Variants in ZFHX3 observed in about 807,000 individuals in gnomAD.
ZFHX3 encodes the protein zinc finger homeobox 3, also known as zinc finger homeobox protein 3.
In ZFHX3, 42 loss-of-function variants were observed where a neutral mutation model predicts 279.1. That is an observed-to-expected ratio of 0.15 (90% confidence interval 0.12 to 0.19). ZFHX3 has a LOEUF of 0.19. ZFHX3 is among the 10% of genes least tolerant of loss of function. ZFHX3 has a pLI of 1.00. For missense variants in ZFHX3, 4,981 were observed against 4,754.0 expected, an observed-to-expected ratio of 1.05 and a Z score of -1.40; for synonymous variants, 2,293 against 1,957.8, an observed-to-expected ratio of 1.17 and a Z score of -4.52.
intron 3 of ZFHX3, among the ~76,000 whole-genome samples, chr16:72,942,770 C>T (rs1960473079): frequency 6.6e-6 from 1 of 152,174 alleles, no homozygotes; most frequent in Admixed American, 6.5e-5. Flanking sequence ...GTGAGATCCA[C>T]AGTCTCCATT....
intron 2 of ZFHX3, among the ~76,000 whole-genome samples, chr16:73,536,164 C>T (rs781090931): frequency 1.9e-4 from 29 of 152,004 alleles, no homozygotes; most frequent in Non-Finnish European, 4.1e-4. Flanking sequence ...TCAGGCACAC[C>T]GATTACTTGA....
intron 4 of ZFHX3, among the ~76,000 whole-genome samples, chr16:73,313,645 A>G (rs1405325103): frequency 2.0e-5 from 3 of 152,216 alleles, no homozygotes; most frequent in South Asian, 4.1e-4. Context: ...GTAACAATAG[A>G]ACTAGGAATC....
At position 73,307,955 on chromosome 16, in the gene ZFHX3, G is replaced by A. The variant is rs146979123; in HGVS notation, c.-1194+10285C>T. 1.8e-3 allele frequency among the ~76,000 whole-genome samples: 270 copies of A among 152,038 alleles called. 2 individuals are homozygous for A. Among genetic ancestry groups the A allele is most frequent in the African/African-American group, 5.9e-3 (244 of 41,458 alleles). On this transcript the variant is annotated intron_variant, in intron 4 of 17. Coordinates refer to the ZFHX3 transcript ENST00000641206. ...GTTCAGGAAGCTCCTTAATTCTGTA[G>A]GACCAGCACTCACCCCCAAATTTGC...
At chr16:73,572,538 G>C (rs1200482191) in intron 2 of ZFHX3, among the ~76,000 whole-genome samples, 1 of 152,194 alleles carries the variant, frequency 6.6e-6, no homozygotes, top group East Asian at 1.9e-4. Context: ...GCTGTCTTGA[G>C]CCTCCCCTCT....
chr16:73,115,418 G>A (rs529960524), intron 7 of ZFHX3, among the ~76,000 whole-genome samples: 14 of 151,194 alleles, frequency 9.3e-5, no homozygotes, highest in South Asian at 2.1e-4. Flanking sequence ...GTGTGGTGGC[G>A]TGTGCCTATA....
At chr16:73,723,675 T>C (rs758031975) in intron 1 of ZFHX3, among the ~76,000 whole-genome samples, 4 of 152,244 alleles carry the variant, frequency 2.6e-5, no homozygotes, top group Non-Finnish European at 5.9e-5. Context: ...TTTAAAAAAA[T>C]ATATTTCTCT....
At chr16:73,276,925 C>T (rs1333481698) in intron 4 of ZFHX3, among the ~76,000 whole-genome samples, 4 of 152,144 alleles carry the variant, frequency 2.6e-5, no homozygotes, top group Non-Finnish European at 5.9e-5. Context: ...TTCTACCTTC[C>T]AAGGTTTAGG....
At chr16:73,035,980 G>A (rs1026432731) in intron 1 of ZFHX3, among the ~76,000 whole-genome samples, 9 of 152,344 alleles carry the variant, frequency 5.9e-5, no homozygotes, top group African/African-American at 1.7e-4. Flanking sequence ...AAAGTAAGCC[G>A]TCTCCTACTC....
At chr16:73,175,151 G>A (rs1020314346) in intron 5 of ZFHX3, among the ~76,000 whole-genome samples, 4 of 152,024 alleles carry the variant, frequency 2.6e-5, no homozygotes, top group African/African-American at 9.7e-5. Flanking sequence ...AGGCTGAGGC[G>A]GGCGGATTAC....
At chr16:72,939,815 G>C (rs1960322795) in intron 3 of ZFHX3, among the ~76,000 whole-genome samples, 1 of 152,202 alleles carries the variant, frequency 6.6e-6, no homozygotes, top group Admixed American at 6.5e-5. Context: ...TTGAACCCGG[G>C]AGGCAGAGGT....
intron 5 of ZFHX3, among the ~76,000 whole-genome samples, chr16:73,176,764 A>C (rs1597204916): frequency 6.6e-6 from 1 of 151,956 alleles, no homozygotes; most frequent in East Asian, 1.9e-4. Flanking sequence ...GAGTGGAAAA[A>C]AGTCTTCTTC....
chr16:73,270,020 T>C (rs1048148680), intron 4 of ZFHX3, among the ~76,000 whole-genome samples: 2 of 152,158 alleles, frequency 1.3e-5, no homozygotes, highest in Admixed American at 1.3e-4. Context: ...AGTGCTGGGA[T>C]TACAGGTACG....
chr16:73,139,840 A>G (rs569744115), intron 6 of ZFHX3, among the ~76,000 whole-genome samples: 5 of 152,370 alleles, frequency 3.3e-5, no homozygotes, highest in Admixed American at 6.5e-5. Flanking sequence ...GGGAATATGA[A>G]GAAAAGTTTC....
At chr16:72,834,614 A>G (rs1175489563) in intron 4 of ZFHX3, among the ~76,000 whole-genome samples, 2 of 152,172 alleles carry the variant, frequency 1.3e-5, no homozygotes, top group Non-Finnish European at 2.9e-5. Flanking sequence ...GAAGGAGGAG[A>G]GCATGCCAAC....
intron 2 of ZFHX3, among the ~76,000 whole-genome samples, chr16:73,502,436 G>A (rs752149931): frequency 3.3e-5 from 5 of 152,204 alleles, no homozygotes; most frequent in Non-Finnish European, 7.3e-5. Context: ...GGTCAGAAAT[G>A]GGCCCCTGAT....
At chr16:73,659,777 A>C (rs1285481683) in intron 2 of ZFHX3, among the ~76,000 whole-genome samples, 2 of 152,170 alleles carry the variant, frequency 1.3e-5, no homozygotes, top group Middle Eastern at 3.2e-3. Flanking sequence ...TATCGTGTAC[A>C]TGCCTTCTTA....
chr16:73,574,475 C>A (rs1232441767), intron 2 of ZFHX3, among the ~76,000 whole-genome samples: 1 of 152,162 alleles, frequency 6.6e-6, no homozygotes, highest in African/African-American at 2.4e-5. Flanking sequence ...TACTTCAGAT[C>A]TTCTAAATCA....
intron 1 of ZFHX3, among the ~76,000 whole-genome samples, chr16:73,006,999 A>G (rs964197570): frequency 9.2e-5 from 14 of 152,202 alleles, no homozygotes; most frequent in African/African-American, 3.4e-4. Context: ...TTTTTCCCCA[A>G]ATATTTTTGA....
At chr16:73,620,044 C>T (rs1396188233) in intron 2 of ZFHX3, among the ~76,000 whole-genome samples, 1 of 152,204 alleles carries the variant, frequency 6.6e-6, no homozygotes, top group Non-Finnish European at 1.5e-5. Context: ...CCACCTCAGT[C>T]TCCCAAGTAG....
Sources: allele counts gnomAD v4.1 joint callset (sites outside exome capture counted in the v4.1 genomes callset), GRCh38; gene constraint gnomAD v4.1.1; transcripts MANE v1.5; gene names NCBI Gene and HGNC (gene_info 2026-07-23, HGNC 2026-07-21).